The following CCSER1 variants were observed in gnomAD, a reference collection of about 807,000 sequenced individuals.
CCSER1 encodes serine-rich coiled-coil domain-containing protein 1.
CCSER1 carries 41 observed loss-of-function variants against 82.0 expected under a neutral mutation model. That is an observed-to-expected ratio of 0.50 (90% CI 0.39 to 0.65). The LOEUF is 0.65. CCSER1 is among the 30% of genes least tolerant of loss of function. CCSER1 has a pLI of 0.00. For missense variants in CCSER1, 1,119 were observed against 1,064.2 expected (o/e 1.05, Z -0.72); for synonymous variants, 414 against 383.9 (o/e 1.08, Z -0.92).
chr4:91,083,526 G>A (rs888771552), intron 9 of CCSER1, among the ~76,000 whole-genome samples: 4 of 152,164 alleles, frequency 2.6e-5, no homozygotes, highest in Non-Finnish European at 5.9e-5. Flanking sequence ...TCTGCATGTT[G>A]TGCATATGTA....
intron 9 of CCSER1, among the ~76,000 whole-genome samples, chr4:91,035,319 G>C (rs1232125049): frequency 1.3e-5 from 2 of 152,022 alleles, no homozygotes; most frequent in African/African-American, 2.4e-5. Flanking sequence ...TTGGTCATGA[G>C]AAACACAAAT....
chr4:91,255,477 G>C (rs192754250), intron 10 of CCSER1, among the ~76,000 whole-genome samples: 20 of 152,296 alleles, frequency 1.3e-4, no homozygotes, highest in African/African-American at 4.3e-4. Flanking sequence ...AGCATTTTAA[G>C]AGCAAATCCA....
intron 1 of CCSER1, among the ~76,000 whole-genome samples, chr4:90,160,384 T>C (rs1010272583): frequency 6.6e-6 from 1 of 152,102 alleles, no homozygotes; most frequent in Non-Finnish European, 1.5e-5. Flanking sequence ...GAAGAGAAGA[T>C]GACTACAGTC....
chr4:90,407,091 A>G lies in CCSER1; in HGVS notation c.1603+6962A>G, dbSNP rs567311785. On this transcript the variant is annotated intron_variant, in intron 4 of 10. Transcript: ENST00000509176. Reference sequence around the variant, plus strand: ...TCAAAAAGCTTTTTCTTCGAAAAAAATAAATAAAATTGATAGACCATTAGC... The same window carrying G: ...TCAAAAAGCTTTTTCTTCGAAAAAAGTAAATAAAATTGATAGACCATTAGC... 2.6e-5 allele frequency among the ~76,000 whole-genome samples: 4 copies of G among 152,336 alleles called. No homozygotes were observed. In the East Asian group the frequency reaches 5.8e-4, roughly 22 times the overall value.
intron 8 of CCSER1, among the ~76,000 whole-genome samples, chr4:90,857,624 A>G (rs1691613848): frequency 1.3e-5 from 2 of 152,090 alleles, no homozygotes; most frequent in South Asian, 4.1e-4. Flanking sequence ...CATCAGCCAC[A>G]TGACATAGAT....
chr4:90,740,916 A>G (rs1746449993), intron 7 of CCSER1, among the ~76,000 whole-genome samples: 1 of 152,184 alleles, frequency 6.6e-6, no homozygotes, highest in South Asian at 2.1e-4. Context: ...TTTTCTGAGC[A>G]TCTATTAAAA....
At chr4:91,076,191 T>A (rs997461249) in intron 9 of CCSER1, among the ~76,000 whole-genome samples, 1 of 152,158 alleles carries the variant, frequency 6.6e-6, no homozygotes, top group Non-Finnish European at 1.5e-5. Flanking sequence ...TCATCAGATA[T>A]ACTGCTTCAG....
intron 10 of CCSER1, among the ~76,000 whole-genome samples, chr4:91,323,824 T>A (rs940383594): frequency 6.6e-6 from 1 of 152,202 alleles, no homozygotes; most frequent in Non-Finnish European, 1.5e-5. Context: ...GGAATTCAAT[T>A]TTCCTTAGAC....
chr4:91,057,876 G>A (rs921727983), intron 9 of CCSER1, among the ~76,000 whole-genome samples: 2 of 152,060 alleles, frequency 1.3e-5, no homozygotes, highest in African/African-American at 2.4e-5. Flanking sequence ...AATTTAGCAA[G>A]TAAATTGAGT....
intron 1 of CCSER1, among the ~76,000 whole-genome samples, chr4:90,233,294 T>C (rs1264501810): frequency 6.6e-5 from 10 of 152,030 alleles, no homozygotes; most frequent in Non-Finnish European, 1.2e-4. Context: ...TATGCAGCCA[T>C]AAAAAATGAT....
intron 7 of CCSER1, among the ~76,000 whole-genome samples, chr4:90,732,512 A>G (rs1442703447): frequency 6.6e-6 from 1 of 152,164 alleles, no homozygotes; most frequent in African/African-American, 2.4e-5. Flanking sequence ...TCCATATTCT[A>G]AACTCCCAGA....
At chr4:91,038,976 C>G (rs1488960983) in intron 9 of CCSER1, among the ~76,000 whole-genome samples, 1 of 152,120 alleles carries the variant, frequency 6.6e-6, no homozygotes, top group Non-Finnish European at 1.5e-5. Flanking sequence ...ATGTTTGCAG[C>G]CTTAAAAATT....
At chr4:90,591,438 T>C (rs1782680929) in intron 5 of CCSER1, among the ~76,000 whole-genome samples, 1 of 152,168 alleles carries the variant, frequency 6.6e-6, no homozygotes, top group South Asian at 2.1e-4. Flanking sequence ...GAAAAAAAGC[T>C]CACCATCACT....
chr4:90,218,787 A>C (rs1302070017), intron 1 of CCSER1, among the ~76,000 whole-genome samples: 1 of 152,202 alleles, frequency 6.6e-6, no homozygotes, highest in Admixed American at 6.5e-5. Context: ...TTGGAAGGCC[A>C]AAGTGGGAGA....
chr4:90,441,530 C>T (rs559331171), intron 4 of CCSER1, among the ~76,000 whole-genome samples: 14 of 152,130 alleles, frequency 9.2e-5, no homozygotes, highest in Middle Eastern at 6.8e-3. Flanking sequence ...GTGACCTTGT[C>T]TACACCTGAT....
chr4:91,353,044 A>C (rs2149302126), intron 10 of CCSER1, among the ~76,000 whole-genome samples: 1 of 152,318 alleles, frequency 6.6e-6, no homozygotes, highest in South Asian at 2.1e-4. Context: ...GGAGAGAAGG[A>C]ATCGATGTGA....
intron 4 of CCSER1, among the ~76,000 whole-genome samples, chr4:90,456,316 G>A (rs1762161256): frequency 6.6e-6 from 1 of 152,176 alleles, no homozygotes; most frequent in Non-Finnish European, 1.5e-5. Flanking sequence ...TGATGACCAA[G>A]CCAAGTGCTT....
rs182625972 is a variant in CCSER1 at position 90,601,237 on chromosome 4, T to C, written c.1725-26788T>C. ...GACATCCCTGTTTTTTTCTTTAATCTTCAGGTGAAGCATTTAGTCTTTCAC... is the reference window on the plus strand; with the variant it reads ...GACATCCCTGTTTTTTTCTTTAATCCTCAGGTGAAGCATTTAGTCTTTCAC... On this transcript the variant is annotated intron_variant, in intron 5 of 10. Transcript: ENST00000509176. Among the ~76,000 whole-genome samples the C allele has an allele frequency of 2.0e-5, 3 of 152,146 alleles. No individual in the cohort carries two copies. In the East Asian group the frequency reaches 5.8e-4, roughly 29 times the overall value.
chr4:90,339,694 C>T (rs926731261), intron 3 of CCSER1, among the ~76,000 whole-genome samples: 31 of 152,062 alleles, frequency 2.0e-4, no homozygotes, highest in African/African-American at 7.5e-4. Flanking sequence ...GGTTTCTGCT[C>T]AAGTGTCACC....
Sources: allele counts gnomAD v4.1 joint callset (sites outside exome capture counted in the v4.1 genomes callset), GRCh38; gene constraint gnomAD v4.1.1; transcripts MANE v1.5; gene names NCBI Gene and HGNC (gene_info 2026-07-23, HGNC 2026-07-21).